Variants in SLC35F4 observed in about 807,000 individuals in gnomAD.
SLC35F4 encodes solute carrier family 35 member F4.
SLC35F4 carries 24 observed loss-of-function variants against 44.2 expected under a neutral mutation model. The ratio of observed to expected loss-of-function variants is 0.54; its 90% CI spans 0.39 to 0.76. The LOEUF is 0.76. Ranked by LOEUF, SLC35F4 falls within the 30% of genes least tolerant of loss-of-function variation. The pLI is 0.00. For missense variants in SLC35F4, 562 were observed against 586.1 expected, an observed-to-expected ratio of 0.96 and a Z score of 0.42; for synonymous variants, 238 against 223.6, an observed-to-expected ratio of 1.06 and a Z score of -0.57.
At chr14:57,696,823 A>G (rs998100261) in intron 1 of SLC35F4, among the ~76,000 whole-genome samples, 3 of 152,240 alleles carry the variant, frequency 2.0e-5, no homozygotes, top group African/African-American at 7.2e-5. Flanking sequence ...CAGGAACAGA[A>G]AACCAAACAC....
intron 1 of SLC35F4, chr14:57,596,940 A>G (rs975617481): frequency 7.6e-7 from 1 of 1,317,048 alleles, no homozygotes; most frequent in East Asian, 4.7e-5. Context: ...CAAACTTTAA[A>G]CTTCCAAGCC....
chr14:57,887,200 A>G (rs1465632065), intron 1 of SLC35F4, among the ~76,000 whole-genome samples: 5 of 152,156 alleles, frequency 3.3e-5, no homozygotes, highest in African/African-American at 1.2e-4. Flanking sequence ...TTGAGCAAAA[A>G]TCCGGGTAGT....
At chr14:57,874,334 C>G (rs1046429563) in intron 1 of SLC35F4, among the ~76,000 whole-genome samples, 3 of 152,166 alleles carry the variant, frequency 2.0e-5, no homozygotes, top group Non-Finnish European at 2.9e-5. Flanking sequence ...TTTTGTTCAC[C>G]AAGGTATGAC....
At chr14:57,619,104 G>A (rs1375929243) in intron 1 of SLC35F4, among the ~76,000 whole-genome samples, 1 of 152,176 alleles carries the variant, frequency 6.6e-6, no homozygotes, top group Admixed American at 6.5e-5. Flanking sequence ...AGGGGCAACT[G>A]TGGGTTCAGC....
upstream of SLC35F4, among the ~76,000 whole-genome samples, chr14:57,869,279 A>C (rs1323515297): frequency 6.6e-6 from 1 of 152,046 alleles, no homozygotes; most frequent in Non-Finnish European, 1.5e-5. Flanking sequence ...GTCTGATGCT[A>C]GAATAGCTAT....
At chr14:57,933,316 C>G (rs974508319) in intron 1 of SLC35F4, among the ~76,000 whole-genome samples, 2 of 152,152 alleles carry the variant, frequency 1.3e-5, no homozygotes, top group African/African-American at 4.8e-5. Flanking sequence ...AGCCACCACA[C>G]CTGGCCTCTC....
Position 57,931,903 on chromosome 14 carries a change from C to T in SLC35F4, n.282+50010G>A, listed in dbSNP as rs1014538988. ...CCAGTCCCCCCATGTGGGCAAAACT[C>T]TTTAGATGAGATAGGAGAGCTGAAC... is the stretch of plus-strand genomic sequence containing the variant. On this transcript the variant is annotated intron_variant and non_coding_transcript_variant, in intron 1 of 1. Coordinates refer to the SLC35F4 transcript ENST00000556568. 2.0e-5 allele frequency among the ~76,000 whole-genome samples: 3 copies of T among 152,230 alleles called. No homozygotes were observed. The East Asian group carries it at 5.8e-4, about 29-fold the overall frequency.
chr14:57,793,817 G>A (rs2077986827), intron 1 of SLC35F4, among the ~76,000 whole-genome samples: 3 of 152,002 alleles, frequency 2.0e-5, no homozygotes, highest in Admixed American at 1.3e-4. Context: ...TTTCCATAAA[G>A]GTTGTACTAA....
rs915724934 is a variant in SLC35F4, at chr14:57,773,524, A to G, written c.103+92199T>C. On this transcript the variant is annotated intron_variant, in intron 1 of 7. Coordinates refer to ENST00000556826, the MANE Select transcript of SLC35F4 (RefSeq NM_001306087.2). The stretch of plus-strand genomic sequence containing the variant: ...TGTGCCATTTCTCTCTGCCACTGTG[A>G]AGAGATATATTTTATTGGGAAAATT... Among the ~76,000 whole-genome samples the G allele has an allele frequency of 2.6e-5, 4 of 152,312 alleles. No homozygotes were observed. The East Asian group carries it at 7.7e-4, about 29-fold the overall frequency.
intron 1 of SLC35F4, among the ~76,000 whole-genome samples, chr14:57,847,939 C>T (rs984314963): frequency 8.5e-5 from 13 of 152,162 alleles, no homozygotes; most frequent in Admixed American, 8.5e-4. Context: ...TGTATTTGCT[C>T]ATTCAGGAAG....
intron 1 of SLC35F4, among the ~76,000 whole-genome samples, chr14:57,927,576 T>C (rs1233227724): frequency 6.6e-6 from 1 of 151,578 alleles, no homozygotes; most frequent in Non-Finnish European, 1.5e-5. Context: ...CTGCAACCTC[T>C]ACATCCAGGG....
At chr14:57,932,541 G>T (rs1889716934) in intron 1 of SLC35F4, among the ~76,000 whole-genome samples, 1 of 152,118 alleles carries the variant, frequency 6.6e-6, no homozygotes, top group South Asian at 2.1e-4. Flanking sequence ...TAAACTGGAG[G>T]GGTTCTGGGT....
At chr14:57,766,634 T>C (rs937111184) in intron 1 of SLC35F4, among the ~76,000 whole-genome samples, 3 of 152,206 alleles carry the variant, frequency 2.0e-5, no homozygotes, top group African/African-American at 4.8e-5. Context: ...GCACTATACA[T>C]TGGGTACTTA....
chr14:57,953,559 G>C (rs1485328996), intron 1 of SLC35F4, among the ~76,000 whole-genome samples: 1 of 152,130 alleles, frequency 6.6e-6, no homozygotes, highest in Non-Finnish European at 1.5e-5. Context: ...ACACACATGG[G>C]CTCAAAATAA....
At chr14:57,932,437 A>G (rs1889715357) in intron 1 of SLC35F4, among the ~76,000 whole-genome samples, 1 of 152,186 alleles carries the variant, frequency 6.6e-6, no homozygotes, top group African/African-American at 2.4e-5. Flanking sequence ...CATGCATACA[A>G]ATTTTTAGGT....
chr14:57,960,833 C>A (rs903710758), intron 1 of SLC35F4, among the ~76,000 whole-genome samples: 3 of 152,284 alleles, frequency 2.0e-5, no homozygotes, highest in Non-Finnish European at 1.5e-5. Flanking sequence ...GGAGGTGGCC[C>A]AGGTCCCTCT....
intron 1 of SLC35F4, among the ~76,000 whole-genome samples, chr14:57,874,930 T>C (rs1888367882): frequency 6.6e-6 from 1 of 152,070 alleles, no homozygotes; most frequent in East Asian, 1.9e-4. Flanking sequence ...ACTTATCCAA[T>C]CTGTCAACTG....
chr14:57,672,610 C>G (rs1444118174), intron 1 of SLC35F4, among the ~76,000 whole-genome samples: 1 of 152,052 alleles, frequency 6.6e-6, no homozygotes, highest in Non-Finnish European at 1.5e-5. Flanking sequence ...AAAGTGAAAG[C>G]TCTTTCTAGT....
At chr14:57,829,644 G>A (rs1292263984) in intron 1 of SLC35F4, among the ~76,000 whole-genome samples, 3 of 152,120 alleles carry the variant, frequency 2.0e-5, no homozygotes, top group East Asian at 1.9e-4. Flanking sequence ...TCACAATGCC[G>A]AAGAAAGGCC....
Sources: gnomAD v4.1 joint callset for allele counts (sites outside exome capture counted in the v4.1 genomes callset) on GRCh38, gnomAD v4.1.1 for gene constraint, MANE v1.5 for transcripts, NCBI Gene and HGNC (gene_info 2026-07-23, HGNC 2026-07-21) for gene names.